The following ASTN2 variants were observed in gnomAD, a reference collection of about 807,000 sequenced individuals.
ASTN2 encodes astrotactin 2, also known as astrotactin-2.
A neutral mutation model predicts 139.8 loss-of-function variants in ASTN2; 54 were observed. The ratio of observed to expected loss-of-function variants is 0.39; its 90% confidence interval spans 0.31 to 0.48. The LOEUF (loss-of-function observed/expected upper bound fraction) is 0.48, where lower values mean the gene tolerates loss of function less well. Among genes scored for constraint, ASTN2 ranks in the 20% least tolerant of loss-of-function variants. The pLI is 0.95. For synonymous variants in ASTN2, 756 were observed against 719.5 expected, an observed-to-expected ratio of 1.05 and a Z score of -0.81; for missense variants, 1,565 against 1,725.1, an observed-to-expected ratio of 0.91 and a Z score of 1.64.
intron 5 of ASTN2, among the ~76,000 whole-genome samples, chr9:117,071,646 T>G (rs982991592): frequency 2.0e-5 from 3 of 149,482 alleles, no homozygotes; most frequent in South Asian, 4.4e-4. Flanking sequence ...CAGACTGCTG[T>G]GCTAGCAATC....
At chr9:117,099,357 T>C (rs1262652391) in intron 4 of ASTN2, among the ~76,000 whole-genome samples, 1 of 152,078 alleles carries the variant, frequency 6.6e-6, no homozygotes. Context: ...AAATTCTCAC[T>C]CCCTTCCTTC....
chr9:116,653,547 A>G (rs892952742), intron 16 of ASTN2, among the ~76,000 whole-genome samples: 3 of 152,224 alleles, frequency 2.0e-5, no homozygotes, highest in African/African-American at 7.2e-5. Flanking sequence ...GTGGTAAAAC[A>G]TGGTAATTTT....
At chr9:116,855,666 G>A (rs1832721356) in intron 11 of ASTN2, among the ~76,000 whole-genome samples, 1 of 152,188 alleles carries the variant, frequency 6.6e-6, no homozygotes, top group African/African-American at 2.4e-5. Context: ...TTGGGAGGGT[G>A]TCTTCTGATG....
chr9:116,709,080 G>A (rs1828072134), intron 16 of ASTN2, among the ~76,000 whole-genome samples: 2 of 152,172 alleles, frequency 1.3e-5, no homozygotes, highest in South Asian at 2.1e-4. Context: ...CAGGCTGGTT[G>A]TCACCGGCCC....
At chr9:116,641,739 A>G (rs1857341483) in intron 17 of ASTN2, among the ~76,000 whole-genome samples, 1 of 152,124 alleles carries the variant, frequency 6.6e-6, no homozygotes, top group Non-Finnish European at 1.5e-5. Flanking sequence ...AGGTCCCATG[A>G]AAGAGCTATG....
rs373764544 is a variant in ASTN2 at position 116,475,760 on chromosome 9, A to G, written c.3497+11599T>C. Among the ~76,000 whole-genome samples the G allele has an allele frequency of 2.0e-5, 3 of 152,246 alleles. No individual in the cohort carries two copies. In the East Asian group the frequency reaches 5.8e-4, roughly 29 times the overall value. On this transcript the variant is annotated intron_variant, in intron 20 of 22. Transcript: ENST00000313400. ...TGCAAGTCAACTCTTTCCTGCAGCA[A>G]TGAAGCTCATTCATCCCACCAACTC...
In ASTN2 at chr9:117,109,213, C is replaced by A. The variant is rs141325629; in HGVS notation, c.1169-13062G>T. ...AGGAAAATCGCTTGAACCTGGGAGG[C>A]AGAGGTTGCAGTGAGCCGAGATCTT... On this transcript the variant is annotated intron_variant, in intron 4 of 22. Coordinates refer to ENST00000313400, the MANE Select transcript of ASTN2 (RefSeq NM_001365068.1). Among the ~76,000 whole-genome samples the A allele has an allele frequency of 5.2e-3, 796 of 152,002 alleles. 11 individuals are homozygous for A. Among genetic ancestry groups the A allele is most frequent in the African/African-American group, 0.017 (720 of 41,432 alleles).
intron 16 of ASTN2, among the ~76,000 whole-genome samples, chr9:116,684,548 A>G (rs1273909478): frequency 6.6e-6 from 1 of 152,196 alleles, no homozygotes; most frequent in Non-Finnish European, 1.5e-5. Context: ...TTTACCTTAT[A>G]GTAGGCTGTT....
chr9:116,503,048 GGGAAGGAAGAAA>G (rs1849950211), intron 19 of ASTN2, among the ~76,000 whole-genome samples: 1 of 111,072 alleles, frequency 9.0e-6, no homozygotes, highest in Admixed American at 1.0e-4. Flanking sequence ...GAAAGAAGAA[GGGAAGGAAGAAA>G]GGAAGGAAGG....
chr9:117,165,251 T>C (rs1830644136), intron 3 of ASTN2, among the ~76,000 whole-genome samples: 1 of 152,120 alleles, frequency 6.6e-6, no homozygotes, highest in Non-Finnish European at 1.5e-5. Context: ...CAACATGCCT[T>C]GTATGATTTT....
At chr9:117,006,085 C>T (rs928489481) in intron 7 of ASTN2, among the ~76,000 whole-genome samples, 1 of 152,074 alleles carries the variant, frequency 6.6e-6, no homozygotes, top group East Asian at 1.9e-4. Flanking sequence ...CATCAGACAA[C>T]CAGATCTTAG....
At chr9:116,535,257 C>G (rs1356441850) in intron 19 of ASTN2, among the ~76,000 whole-genome samples, 2 of 152,108 alleles carry the variant, frequency 1.3e-5, no homozygotes, top group African/African-American at 4.8e-5. Context: ...ATGTGTGTCT[C>G]TGCACATGAG....
chr9:116,861,228 C>T (rs1295871839), intron 11 of ASTN2, among the ~76,000 whole-genome samples: 5 of 147,210 alleles, frequency 3.4e-5, no homozygotes, highest in Admixed American at 2.7e-4. Context: ...CACACACACA[C>T]ACACACACAC....
Position 116,442,503 on chromosome 9 carries a change from G to A in ASTN2, c.3548C>T (p.Thr1183Met), listed in dbSNP as rs1424996742. ...TGGACAGGCCGTCCTCAGGGTCACCGTGCTTAGCTCTGAGTGCCTCCCTCG... is the reference window on the plus strand; with the variant it reads ...TGGACAGGCCGTCCTCAGGGTCACCATGCTTAGCTCTGAGTGCCTCCCTCG... ...DTRGRHSELS[T>M]VTLRTACPLV... The change falls in exon 21 of 23, where the codon ACG becomes ATG. Residue 1183 changes from threonine to methionine, a missense_variant. This residue lies in a region of ASTN2 where 418 missense variants were observed against 465.8 expected (regional missense o/e 0.90). Transcript: ENST00000313400. 6.8e-6 allele frequency: 11 copies of A among 1,613,996 alleles called. No homozygotes were observed. Among genetic ancestry groups the A allele is most frequent in the East Asian group, 2.2e-5 (1 of 44,888 alleles).
At chr9:117,324,225 G>C (rs573674649) in intron 1 of ASTN2, among the ~76,000 whole-genome samples, 1 of 152,168 alleles carries the variant, frequency 6.6e-6, no homozygotes, top group African/African-American at 2.4e-5. Flanking sequence ...GGACAAAAGT[G>C]TTCCAGCCAA....
intron 7 of ASTN2, among the ~76,000 whole-genome samples, chr9:116,995,900 G>A (rs1280333919): frequency 4.6e-5 from 7 of 152,044 alleles, no homozygotes; most frequent in African/African-American, 1.7e-4. Flanking sequence ...GATTGCAGTG[G>A]TGTGATCATA....
At chr9:117,329,093 T>G (rs1006988357) in intron 1 of ASTN2, among the ~76,000 whole-genome samples, 2 of 151,800 alleles carry the variant, frequency 1.3e-5, no homozygotes, top group East Asian at 3.9e-4. Context: ...AAGTGTGACA[T>G]TCCCCAACAG....
chr9:116,994,383 T>G (rs1395328392), intron 7 of ASTN2, among the ~76,000 whole-genome samples: 1 of 152,352 alleles, frequency 6.6e-6, no homozygotes, highest in African/African-American at 2.4e-5. Context: ...GATCTGAATT[T>G]TCTTCCTGTT....
intron 10 of ASTN2, among the ~76,000 whole-genome samples, chr9:116,910,125 G>A (rs1381510741): frequency 1.3e-5 from 2 of 152,148 alleles, no homozygotes; most frequent in African/African-American, 2.4e-5. Context: ...CAAATTTTTT[G>A]GGGCCTGAGC....
Sources: gnomAD v4.1 joint callset for allele counts (sites outside exome capture counted in the v4.1 genomes callset) on GRCh38, gnomAD v4.1.1 for gene constraint, gnomAD v4.1.1 regional missense constraint, MANE v1.5 for transcripts, NCBI Gene and HGNC (gene_info 2026-07-23, HGNC 2026-07-21) for gene names.